The following RHOJ variants were observed in gnomAD, a reference collection of about 807,000 sequenced individuals.
The protein encoded by RHOJ is rho-related GTP-binding protein RhoJ.
In RHOJ, 11 loss-of-function variants were observed where a neutral mutation model predicts 23.4. That is an observed-to-expected ratio of 0.47 (90% confidence interval 0.30 to 0.78). The LOEUF (loss-of-function observed/expected upper bound fraction) is 0.78, where lower values mean the gene tolerates loss of function less well. Ranked by LOEUF, RHOJ falls within the 30% of genes least tolerant of loss-of-function variation. The probability of loss-of-function intolerance (pLI) is 0.08; values close to 1 mark genes in which losing one functional copy is unlikely to be tolerated. For missense variants in RHOJ, 254 were observed against 273.4 expected (o/e 0.93, Z 0.50); for synonymous variants, 102 against 102.7 (o/e 0.99, Z 0.04).
At chr14:63,226,988 G>C (rs553578640) in intron 1 of RHOJ, among the ~76,000 whole-genome samples, 2 of 152,074 alleles carry the variant, frequency 1.3e-5, no homozygotes, top group African/African-American at 2.4e-5. Flanking sequence ...TTTCATCCTT[G>C]TTGCCCAGGT....
At chr14:63,283,267 G>A (rs778365840) in intron 4 of RHOJ, 51 bp downstream of exon 4, 6 of 1,465,254 alleles carry the variant, frequency 4.1e-6, no homozygotes, top group Non-Finnish European at 4.8e-6. Context: ...AGAAGAGTGT[G>A]TTGTATGCTT....
At position 63,204,745 on chromosome 14, in the gene RHOJ, C is replaced by A; in HGVS notation, c.-125C>A. On this transcript the variant is annotated 5_prime_UTR_variant, in exon 1 of 5. Coordinates refer to ENST00000316754, the MANE Select transcript of RHOJ (RefSeq NM_020663.5). ...CCAGCCTCGGACATGTCTGTATGAT[C>A]CAAGGTACCCAAAGTCAGACAGAGT... 1 of 916,484 alleles carries A rather than the reference C, an allele frequency of 1.1e-6. No homozygotes were observed. The highest frequency in any genetic ancestry group is 1.7e-6 in the Non-Finnish European group (1 of 590,156). The allele number at this position is 916,484 out of a possible 1,614,324, so 56.8% of individuals were successfully genotyped here.
At chr14:63,252,090 A>G (rs1415692999) in intron 1 of RHOJ, among the ~76,000 whole-genome samples, 1 of 152,142 alleles carries the variant, frequency 6.6e-6, no homozygotes, top group African/African-American at 2.4e-5. Context: ...TGTCTCAAAA[A>G]TAAATAAATA....
chr14:63,210,449 G>A lies in RHOJ; in HGVS notation c.178+5402G>A, dbSNP rs375545664. Among the ~76,000 whole-genome samples, 110 of 152,184 alleles carry A rather than the reference G, an allele frequency of 7.2e-4. 1 individual carries two copies. The East Asian group carries it at 9.1e-3, about 13-fold the overall frequency. On this transcript the variant is annotated intron_variant, in intron 1 of 4. Transcript: ENST00000316754. The stretch of plus-strand genomic sequence containing the variant: ...CATATTTCAGAGTAACCCTAAGTTC[G>A]GCTGACGGCTAGGTCTAAAGGGTAG...
At chr14:63,223,802 A>G in intron 1 of RHOJ, among the ~76,000 whole-genome samples, 1 of 152,076 alleles carries the variant, frequency 6.6e-6, no homozygotes, top group South Asian at 2.1e-4. Flanking sequence ...CATCGTTAAA[A>G]GATGACGTCA....
At chr14:63,255,238 G>A (rs980666290) in intron 1 of RHOJ, among the ~76,000 whole-genome samples, 7 of 152,038 alleles carry the variant, frequency 4.6e-5, no homozygotes, top group Admixed American at 1.3e-4. Flanking sequence ...GAATTCATCC[G>A]GGACCATGCC....
chr14:63,239,665 A>G (rs975121005), intron 1 of RHOJ, among the ~76,000 whole-genome samples: 1 of 152,228 alleles, frequency 6.6e-6, no homozygotes, highest in Non-Finnish European at 1.5e-5. Flanking sequence ...GACCTACTGC[A>G]CCCGACCAGA....
At chr14:63,230,837 A>C in intron 1 of RHOJ, among the ~76,000 whole-genome samples, 1 of 110,370 alleles carries the variant, frequency 9.1e-6, no homozygotes, top group African/African-American at 5.0e-5. Context: ...ACAAGGGTAC[A>C]AGGCTTTTTT....
intron 1 of RHOJ, among the ~76,000 whole-genome samples, chr14:63,212,941 A>C (rs1894270620): frequency 6.6e-6 from 1 of 152,200 alleles, no homozygotes; most frequent in Admixed American, 6.5e-5. Flanking sequence ...GTTTTGCCAC[A>C]GTATAACACA....
rs1894061950 is a variant in RHOJ, at chr14:63,204,489, G to T, written c.-381G>T. The T allele has an allele frequency of 2.0e-5, 4 of 199,752 alleles. No individual in the cohort carries two copies. In the South Asian group the frequency reaches 3.1e-4, roughly 15 times the overall value. The allele number at this position is 199,752 out of a possible 1,614,324, so 12.4% of individuals were successfully genotyped here. On this transcript the variant is annotated 5_prime_UTR_variant, in exon 1 of 5. The change abolishes an upstream ATG in the 5' untranslated region. Transcript: ENST00000316754. Reference sequence around the variant, plus strand: ...CCATGTTAGATGTGACTTGGAAAATGAGAAAGATTTAGCAAAATTCCACCG... The same window carrying T: ...CCATGTTAGATGTGACTTGGAAAATTAGAAAGATTTAGCAAAATTCCACCG...
chr14:63,261,822 C>T (rs1001692598), intron 1 of RHOJ, among the ~76,000 whole-genome samples: 1 of 152,184 alleles, frequency 6.6e-6, no homozygotes, highest in Non-Finnish European at 1.5e-5. Context: ...CCGGTTCACT[C>T]ACCAATGAGT....
intron 1 of RHOJ, among the ~76,000 whole-genome samples, chr14:63,248,960 C>G (rs777239620): frequency 2.6e-5 from 4 of 152,192 alleles, no homozygotes; most frequent in Non-Finnish European, 5.9e-5. Flanking sequence ...AAGAAAGGAC[C>G]TAGACTTGAG....
chr14:63,220,733 TCTAA>T (rs2139736929), intron 1 of RHOJ, among the ~76,000 whole-genome samples: 1 of 152,266 alleles, frequency 6.6e-6, no homozygotes, highest in South Asian at 2.1e-4. Context: ...TTTCCAAGAC[TCTAA>T]CTGATGTCTA....
intron 1 of RHOJ, among the ~76,000 whole-genome samples, chr14:63,235,660 A>C (rs1894776210): frequency 6.6e-6 from 1 of 152,216 alleles, no homozygotes; most frequent in African/African-American, 2.4e-5. Context: ...TTCAAAACAA[A>C]AAATTGGAAT....
intron 1 of RHOJ, among the ~76,000 whole-genome samples, chr14:63,217,089 T>TC (rs1894375138): frequency 4.5e-5 from 1 of 22,098 alleles, no homozygotes; most frequent in African/African-American, 6.3e-5. Context: ...TTTTTTCTTT[T>TC]TTTTTTTATT....
chr14:63,218,876 T>C (rs1894422548), intron 1 of RHOJ, among the ~76,000 whole-genome samples: 1 of 152,260 alleles, frequency 6.6e-6, no homozygotes. Context: ...TGGCTTTGTG[T>C]CATCATAAAA....
At chr14:63,218,120 AC>A (rs1894406256) in intron 1 of RHOJ, among the ~76,000 whole-genome samples, 1 of 152,204 alleles carries the variant, frequency 6.6e-6, no homozygotes, top group African/African-American at 2.4e-5. Context: ...AGGTTTATCT[AC>A]ATTATAATAT....
chr14:63,272,570 C>G (rs1895490455), intron 2 of RHOJ, among the ~76,000 whole-genome samples: 1 of 152,200 alleles, frequency 6.6e-6, no homozygotes, highest in Non-Finnish European at 1.5e-5. Context: ...GTAATAGGAA[C>G]TCATTGTCTC....
chr14:63,244,975 A>G (rs1322168433), intron 1 of RHOJ, among the ~76,000 whole-genome samples: 3 of 152,244 alleles, frequency 2.0e-5, no homozygotes, highest in African/African-American at 7.2e-5. Flanking sequence ...TGAAAACTGT[A>G]TGAGCTTTGG....
Sources: gnomAD v4.1 joint callset for allele counts (sites outside exome capture counted in the v4.1 genomes callset) on GRCh38, gnomAD v4.1.1 for gene constraint, MANE v1.5 for transcripts, NCBI Gene and HGNC (gene_info 2026-07-23, HGNC 2026-07-21) for gene names.